Variants in GRID2 observed in about 807,000 individuals in gnomAD.
GRID2 encodes glutamate ionotropic receptor delta type subunit 2.
A neutral mutation model predicts 114.8 loss-of-function variants in GRID2; 33 were observed. The ratio of observed to expected loss-of-function variants is 0.29; its 90% CI spans 0.22 to 0.38. The LOEUF is 0.38. Among genes scored for constraint, GRID2 ranks in the 10% least tolerant of loss-of-function variants. The pLI, the probability that GRID2 is intolerant of heterozygous loss-of-function variation, is 1.00. For synonymous variants in GRID2, 505 were observed against 449.9 expected (o/e 1.12, Z -1.55); for missense variants, 1,184 against 1,257.7 (o/e 0.94, Z 0.89).
At chr4:92,482,619 C>G (rs189431508) in intron 1 of GRID2, among the ~76,000 whole-genome samples, 1 of 151,880 alleles carries the variant, frequency 6.6e-6, no homozygotes, top group Non-Finnish European at 1.5e-5. Flanking sequence ...TTTTTTAAGA[C>G]GAGATTAATT....
chr4:93,147,718 C>G (rs1028382298), intron 4 of GRID2, among the ~76,000 whole-genome samples: 1 of 152,106 alleles, frequency 6.6e-6, no homozygotes, highest in African/African-American at 2.4e-5. Flanking sequence ...ATTGTCTTCT[C>G]TATAGGATCT....
chr4:92,741,759 G>A (rs1736904742), intron 2 of GRID2, among the ~76,000 whole-genome samples: 1 of 152,158 alleles, frequency 6.6e-6, no homozygotes, highest in Non-Finnish European at 1.5e-5. Context: ...AATAGAAGGT[G>A]TTGAGTTACT....
At chr4:92,363,087 A>C (rs1449049160) in intron 1 of GRID2, among the ~76,000 whole-genome samples, 1 of 152,066 alleles carries the variant, frequency 6.6e-6, no homozygotes, top group African/African-American at 2.4e-5. Flanking sequence ...CATTGCTTTC[A>C]AAATCTTACT....
At chr4:93,166,898 T>G (rs941072608) in intron 4 of GRID2, among the ~76,000 whole-genome samples, 1 of 152,148 alleles carries the variant, frequency 6.6e-6, no homozygotes, top group Non-Finnish European at 1.5e-5. Flanking sequence ...AGATATGATT[T>G]GGGCTCCACT....
At chr4:93,722,208 G>T (rs1166693617) in intron 14 of GRID2, among the ~76,000 whole-genome samples, 1 of 151,920 alleles carries the variant, frequency 6.6e-6, no homozygotes, top group East Asian at 1.9e-4. Flanking sequence ...GAGCCACCAC[G>T]CCCGGCCAAT....
intron 8 of GRID2, among the ~76,000 whole-genome samples, chr4:93,378,038 T>C (rs1763528795): frequency 6.6e-6 from 1 of 152,182 alleles, no homozygotes; most frequent in Non-Finnish European, 1.5e-5. Flanking sequence ...TCATAGGACT[T>C]TGTTGAAAAC....
intron 1 of GRID2, among the ~76,000 whole-genome samples, chr4:92,443,014 C>G (rs1733203136): frequency 6.6e-6 from 1 of 151,602 alleles, no homozygotes; most frequent in South Asian, 2.1e-4. Context: ...TGGCGAGGAG[C>G]AGCCTGGGGA....
At chr4:93,787,934 G>A (rs1040932155) in intron 1 of GRID2, among the ~76,000 whole-genome samples, 14 of 152,154 alleles carry the variant, frequency 9.2e-5, no homozygotes, top group African/African-American at 3.4e-4. Context: ...TTTGTATGTG[G>A]AGTGAAAAAT....
intron 2 of GRID2, among the ~76,000 whole-genome samples, chr4:92,778,380 G>A (rs542173989): frequency 3.6e-4 from 55 of 152,036 alleles, no homozygotes; most frequent in African/African-American, 1.2e-3. Flanking sequence ...AGAGCAATTT[G>A]TATGATTTTG....
chr4:93,765,877 T>C (rs556161770), intron 14 of GRID2, among the ~76,000 whole-genome samples: 1 of 151,922 alleles, frequency 6.6e-6, no homozygotes, highest in Admixed American at 6.6e-5. Context: ...GCAGTCGTGG[T>C]TTAGAATAAA....
intron 1 of GRID2, among the ~76,000 whole-genome samples, chr4:92,567,842 G>A (rs143236089): frequency 5.1e-4 from 77 of 151,842 alleles, no homozygotes; most frequent in African/African-American, 9.7e-5. Flanking sequence ...CCTAATATGC[G>A]ATGAACACAT....
chr4:93,590,707 T>C (rs935968231), intron 13 of GRID2, among the ~76,000 whole-genome samples: 6 of 152,224 alleles, frequency 3.9e-5, no homozygotes, highest in African/African-American at 1.4e-4. Flanking sequence ...TTCTTCCATT[T>C]GTATGTATCC....
chr4:92,919,209 A>AT, intron 2 of GRID2, among the ~76,000 whole-genome samples: 1 of 151,972 alleles, frequency 6.6e-6, no homozygotes, highest in East Asian at 1.9e-4. Context: ...CCCCTTTATC[A>AT]TTTTTTATTG....
intron 2 of GRID2, among the ~76,000 whole-genome samples, chr4:92,932,936 A>G (rs557846453): frequency 1.3e-5 from 2 of 151,330 alleles, no homozygotes; most frequent in East Asian, 3.9e-4. Context: ...AGAAGTGGGA[A>G]TGATTGAAAA....
In GRID2 at chr4:93,040,854, A is replaced by T. The variant is rs114026153; in HGVS notation, c.245-44141A>T. Among the ~76,000 whole-genome samples the T allele has an allele frequency of 2.1e-3, 314 of 152,228 alleles. 3 individuals are homozygous for T. Among genetic ancestry groups the T allele is most frequent in the African/African-American group, 7.3e-3 (303 of 41,498 alleles). On this transcript the variant is annotated intron_variant, in intron 2 of 15. Transcript: ENST00000282020. ...AGAAATTTTCGAGGTCGGCGAATTT[A>T]CAAGGAGCTGTATTTATGGCATCTT... is the stretch of plus-strand genomic sequence containing the variant.
chr4:92,571,332 A>G lies in GRID2; in HGVS notation c.89-18799A>G, dbSNP rs543475966. Among the ~76,000 whole-genome samples the G allele has an allele frequency of 5.3e-5, 8 of 152,276 alleles. No homozygotes were observed. In the South Asian group the frequency reaches 1.7e-3, roughly 32 times the overall value. ...GGGATCAATTCAACAAGAAGAGCTA[A>G]CTATCCTAAATATATATGCACCCAA... On this transcript the variant is annotated intron_variant, in intron 1 of 15. Transcript: ENST00000282020.
At chr4:93,624,771 G>T (rs938893566) in intron 13 of GRID2, among the ~76,000 whole-genome samples, 11 of 152,078 alleles carry the variant, frequency 7.2e-5, no homozygotes, top group African/African-American at 2.7e-4. Flanking sequence ...TTTTATATGT[G>T]AAAAAGTTGA....
chr4:92,851,207 C>G (rs1743761868), intron 2 of GRID2, among the ~76,000 whole-genome samples: 1 of 151,840 alleles, frequency 6.6e-6, no homozygotes, highest in Non-Finnish European at 1.5e-5. Context: ...ATTAACAAAT[C>G]AGCCAAATAC....
chr4:93,173,557 T>TAAGTA (rs1002089890), intron 4 of GRID2, among the ~76,000 whole-genome samples: 1 of 152,222 alleles, frequency 6.6e-6, no homozygotes, highest in Non-Finnish European at 1.5e-5. Context: ...AACTTCCATG[T>TAAGTA]TAATATCCTA....
Sources: allele counts gnomAD v4.1 joint callset (sites outside exome capture counted in the v4.1 genomes callset), GRCh38; gene constraint gnomAD v4.1.1; transcripts MANE v1.5; gene names NCBI Gene and HGNC (gene_info 2026-07-23, HGNC 2026-07-21).